Variants in STON1 observed in about 807,000 individuals in gnomAD.
STON1 encodes stonin-1.
A neutral mutation model predicts 60.9 loss-of-function variants in STON1; 79 were observed. The observed-to-expected ratio is 1.30, with a 90% CI of 1.08 to 1.56. The LOEUF (loss-of-function observed/expected upper bound fraction) is 1.56. STON1 is among the 40% of genes most tolerant of loss of function. The pLI is 0.00. For synonymous variants in STON1, 363 were observed against 306.9 expected, an observed-to-expected ratio of 1.18 and a Z score of -1.91; for missense variants, 1,166 against 858.9, an observed-to-expected ratio of 1.36 and a Z score of -4.47.
At chr2:48,544,727 G>A (rs1479720248) in intron 1 of STON1, among the ~76,000 whole-genome samples, 7 of 150,338 alleles carry the variant, frequency 4.7e-5, no homozygotes, top group Admixed American at 2.0e-4. Flanking sequence ...TGTATTTTTC[G>A]TAGAAACAGG....
chr2:48,558,812 C>T (rs2103819194), intron 1 of STON1, among the ~76,000 whole-genome samples: 1 of 152,294 alleles, frequency 6.6e-6, no homozygotes, highest in African/African-American at 2.4e-5. Context: ...CCTCCCAGTG[C>T]ACTTTAGCAG....
intron 1 of STON1, among the ~76,000 whole-genome samples, chr2:48,550,859 G>T (rs1672073425): frequency 6.6e-6 from 1 of 151,886 alleles, no homozygotes; most frequent in African/African-American, 2.4e-5. Context: ...TATCTTTAGG[G>T]ACTGGAAAAC....
chr2:48,598,032 T>A lies in STON1; in HGVS notation c.*2730T>A, dbSNP rs969891261. 2 of 152,188 alleles carry A rather than the reference T, an allele frequency of 1.3e-5. No individual in the cohort carries two copies. The highest frequency in any genetic ancestry group is 4.8e-5 in the African/African-American group (2 of 41,438). 9.4% of individuals were successfully genotyped at this position (152,188 alleles called of 1,614,324 possible). ...CATTGTGAGTTTGACCATTTTGGAG[T>A]CAAATGAGCAGACTTCCAAGGAGTT... On this transcript the variant is annotated 3_prime_UTR_variant, in exon 4 of 4. Coordinates refer to ENST00000404752, the MANE Select transcript of STON1 (RefSeq NM_006873.4).
intron 1 of STON1, among the ~76,000 whole-genome samples, chr2:48,558,342 A>G (rs998786340): frequency 3.9e-5 from 6 of 152,226 alleles, no homozygotes; most frequent in African/African-American, 1.2e-4. Context: ...AGAAGCAAAC[A>G]TGCTGTTGTT....
intron 1 of STON1, among the ~76,000 whole-genome samples, chr2:48,571,791 G>T (rs1476661835): frequency 6.6e-6 from 1 of 152,138 alleles, no homozygotes; most frequent in African/African-American, 2.4e-5. Flanking sequence ...GGCTGGTGGG[G>T]GTTTTGAGAC....
At chr2:48,542,683 T>A (rs1671702104) in intron 1 of STON1, among the ~76,000 whole-genome samples, 1 of 152,098 alleles carries the variant, frequency 6.6e-6, no homozygotes, top group African/African-American at 2.4e-5. Context: ...GGTGGGTGGA[T>A]CACTTGAGGC....
At chr2:48,545,309 G>A (rs768766622) in intron 1 of STON1, among the ~76,000 whole-genome samples, 1 of 152,214 alleles carries the variant, frequency 6.6e-6, no homozygotes, top group Non-Finnish European at 1.5e-5. Flanking sequence ...ATGGGGTTTC[G>A]CCAGCTTTCA....
At chr2:48,583,358 G>A (rs758311427) in intron 2 of STON1, among the ~76,000 whole-genome samples, 14 of 152,170 alleles carry the variant, frequency 9.2e-5, no homozygotes, top group Admixed American at 2.0e-4. Flanking sequence ...CAAAATGCTA[G>A]CATTACAGGT....
chr2:48,581,069 A>T lies in STON1; in HGVS notation c.436A>T (p.Thr146Ser). Residue 146 changes from threonine to serine, a missense_variant, in exon 2 of 4, where the codon ACT becomes TCT. Transcript: ENST00000404752. ...CAGTGACCACTCATGTACACATCCA[A>T]CTCCCAAAGTAGGTCTTCCAGATGA... ...LPSDHSCTHP[T>S]PKVGLPDEVN... is the part of the protein sequence containing the mutation. The T allele has an allele frequency of 6.3e-7, 1 of 1,597,428 alleles. No homozygotes were observed.
In STON1 at chr2:48,581,163, G is replaced by A. The variant is rs201775589; in HGVS notation, c.530G>A (p.Arg177Gln). Reference protein sequence around the residue: ...SDDLPQFQYFREDCAFSSPFW... With the variant: ...SDDLPQFQYFQEDCAFSSPFW... The stretch of plus-strand genomic sequence containing the variant: ...GATCTCCCCCAGTTTCAGTATTTTC[G>A]AGAGGACTGTGCTTTTTCAAGTCCA... The change falls in exon 2 of 4, where the codon CGA becomes CAA. Residue 177 changes from arginine (R) to glutamine (Q), a missense_variant. Physicochemically the swap from Arg to Gln is conservative, Grantham distance 43. Transcript: ENST00000404752. 6.8e-5 allele frequency: 105 copies of A among 1,554,058 alleles called. 1 individual carries two copies. The highest frequency in any genetic ancestry group is 2.5e-4 in the East Asian group (11 of 44,624).
intron 1 of STON1, among the ~76,000 whole-genome samples, chr2:48,541,006 C>A (rs1371700108): frequency 6.6e-6 from 1 of 152,190 alleles, no homozygotes; most frequent in Non-Finnish European, 1.5e-5. Context: ...GTCATACTGA[C>A]TGAGGTTCTT....
rs575959385 is a variant in STON1 at position 48,592,052 on chromosome 2, C to T, written c.2133+197C>T. On this transcript the variant is annotated intron_variant, in intron 3 of 3. Transcript: ENST00000404752. ...TATCCATTCTGGAGAATGTTGGGAA[C>T]ACTTAATAATTTAGCTCTCAATGAA... is the stretch of plus-strand genomic sequence containing the variant. Among the ~76,000 whole-genome samples, 4 of 152,196 alleles carry T rather than the reference C, an allele frequency of 2.6e-5. No homozygotes were observed. The South Asian group carries it at 8.3e-4, about 32-fold the overall frequency.
chr2:48,564,468 TTCTTC>T (rs1278115828), intron 1 of STON1, among the ~76,000 whole-genome samples: 7 of 54,850 alleles, frequency 1.3e-4, no homozygotes, highest in African/African-American at 5.0e-4. Flanking sequence ...CTTCTTCTTC[TTCTTC>T]TTCTTCTTTC....
Position 48,580,783 on chromosome 2 carries a change from T to C in STON1, c.150T>C (p.Phe50=), listed in dbSNP as rs2103912214. The change falls in exon 2 of 4, where the codon TTT becomes TTC. Residue 50 remains phenylalanine, a synonymous_variant. Transcript: ENST00000404752. ...LKLNLPGLRE[F]PSGSSSTSST... ...TGAACCTTCCTGGCCTCAGGGAATT[T>C]CCCAGTGGATCTTCCTCCACCAGCA... 1 of 1,556,504 alleles carries C rather than the reference T, an allele frequency of 6.4e-7. No homozygotes were observed. Among genetic ancestry groups the C allele is most frequent in the Non-Finnish European group, 8.7e-7 (1 of 1,152,276 alleles).
At chr2:48,564,458 C>T (rs1228622762) in intron 1 of STON1, among the ~76,000 whole-genome samples, 17 of 54,332 alleles carry the variant, frequency 3.1e-4, no homozygotes, top group African/African-American at 1.1e-3. Flanking sequence ...TCTTCTTCTT[C>T]TTCTTCTTCT....
At chr2:48,554,707 A>ATTTTTTTTTTTTT (rs11475306) in intron 1 of STON1, among the ~76,000 whole-genome samples, 1 of 88,800 alleles carries the variant, frequency 1.1e-5, no homozygotes, top group Non-Finnish European at 2.3e-5. Flanking sequence ...TAAGTGCAAA[A>ATTTTTTTTTTTTT]TTTTTTTTTT....
Position 48,564,559 on chromosome 2 carries a change from T to TG in STON1, c.-47-16028_-47-16027insG, listed in dbSNP as rs1672828125. 5.8e-5 allele frequency among the ~76,000 whole-genome samples: 3 copies of TG among 51,554 alleles called. 1 individual carries two copies. The highest frequency in any genetic ancestry group is 1.2e-4 in the Non-Finnish European group (3 of 24,418). The allele number at this position is 51,554 out of a possible 152,430, so 33.8% of individuals were successfully genotyped here. A position where few individuals can be genotyped will look rare whatever the true frequency, so the allele number is the denominator to read the frequency against. On this transcript the variant is annotated intron_variant, in intron 1 of 3. Coordinates refer to ENST00000404752, the MANE Select transcript of STON1 (RefSeq NM_006873.4). ...CTTCTTCTTCTTCTTCTTCTTCTTC[T>TG]TCTTCTTCTCCTTCTCCTTCTCCTC... is the stretch of plus-strand genomic sequence containing the variant.
chr2:48,533,520 C>G (rs1037366837), intron 1 of STON1, among the ~76,000 whole-genome samples: 2 of 151,836 alleles, frequency 1.3e-5, no homozygotes, highest in South Asian at 2.1e-4. Flanking sequence ...GAAAACCTGT[C>G]TCTACTAAAA....
chr2:48,589,526 T>TTACTAA (rs1674398415), intron 2 of STON1, among the ~76,000 whole-genome samples: 1 of 152,222 alleles, frequency 6.6e-6, no homozygotes, highest in African/African-American at 2.4e-5. Context: ...AGGGAGTGTG[T>TTACTAA]TACTAAACAT....
Sources: allele counts gnomAD v4.1 joint callset (sites outside exome capture counted in the v4.1 genomes callset), GRCh38; gene constraint gnomAD v4.1.1; transcripts MANE v1.5; gene names NCBI Gene and HGNC (gene_info 2026-07-23, HGNC 2026-07-21).